MAL2: variants seen among roughly 807,000 people sequenced by gnomAD.
MAL2 encodes the protein mal, T cell differentiation protein 2, also known as protein MAL2.
MAL2 carries 17 observed loss-of-function variants against 18.1 expected under a neutral mutation model. The ratio of observed to expected loss-of-function variants is 0.94; its 90% CI spans 0.64 to 1.41. The LOEUF is 1.41. Among genes scored for constraint, MAL2 ranks in the 40% most tolerant of loss-of-function variants. The pLI is 0.00. For synonymous variants in MAL2, 102 were observed against 102.3 expected (o/e 1.00, Z 0.02); for missense variants, 222 against 231.9 (o/e 0.96, Z 0.28).
At position 119,208,737 on chromosome 8, in the gene MAL2, C is replaced by T. The variant is rs1407367247; in HGVS notation, c.132+133C>T. 3 of 1,205,102 alleles carry T rather than the reference C, an allele frequency of 2.5e-6. No homozygotes were observed. The highest frequency in any genetic ancestry group is 3.2e-5 in the African/African-American group (2 of 63,250). 74.7% of individuals were successfully genotyped at this position (1,205,102 alleles called of 1,614,324 possible). On this transcript the variant is annotated intron_variant, in intron 1 of 3. Coordinates refer to ENST00000614891, the MANE Select transcript of MAL2 (RefSeq NM_052886.3). This position sits in a 1 kb window ranked among gnomAD's most constrained non-coding sequence, Gnocchi z 4.3. Reference sequence around the variant, plus strand: ...TCGACGTGGCTTTGTCCTGCGCTCCCTCCCGGGGTCCTCTCGGTGCCCCGC... The same window carrying T: ...TCGACGTGGCTTTGTCCTGCGCTCCTTCCCGGGGTCCTCTCGGTGCCCCGC...
At position 119,233,803 on chromosome 8, in the gene MAL2, A is replaced by G. The variant is rs202018053; in HGVS notation, c.304-6362A>G. The stretch of plus-strand genomic sequence containing the variant: ...ACTATTCCTATCAATAGAAAAAGAG[A>G]GAATCCTCCCTAACTCATTTTATGA... On this transcript the variant is annotated intron_variant, in intron 2 of 3. Transcript: ENST00000614891. Among the ~76,000 whole-genome samples the G allele has an allele frequency of 3.2e-3, 473 of 149,510 alleles. 5 individuals are homozygous for G. Among genetic ancestry groups the G allele is most frequent in the African/African-American group, 0.011 (443 of 38,862 alleles).
At chr8:119,236,593 T>C (rs993125141) in intron 2 of MAL2, among the ~76,000 whole-genome samples, 24 of 151,864 alleles carry the variant, frequency 1.6e-4, no homozygotes, top group African/African-American at 4.6e-4. Context: ...TAACAAACTC[T>C]CTCAGACCAC....
chr8:119,233,187 A>C (rs993625616), intron 2 of MAL2, among the ~76,000 whole-genome samples: 2 of 152,214 alleles, frequency 1.3e-5, no homozygotes, highest in African/African-American at 4.8e-5. Flanking sequence ...GTAGAGGGAA[A>C]TTTATAACAC....
chr8:119,234,224 C>A (rs1022188430), intron 2 of MAL2, among the ~76,000 whole-genome samples: 1 of 152,184 alleles, frequency 6.6e-6, no homozygotes, highest in Non-Finnish European at 1.5e-5. Context: ...TCGGGTCACT[C>A]CCACCCGAAT....
intron 2 of MAL2, among the ~76,000 whole-genome samples, chr8:119,224,668 TG>T (rs1817545809): frequency 2.0e-5 from 3 of 152,076 alleles, no homozygotes; most frequent in Non-Finnish European, 4.4e-5. Flanking sequence ...GTACCCAACA[TG>T]TAGTTTTTTT....
At position 119,208,465 on chromosome 8, in the gene MAL2, G is replaced by A. The variant is rs1817218439; in HGVS notation, c.-8G>A. 1.6e-6 allele frequency: 2 copies of A among 1,247,302 alleles called. No homozygotes were observed. The highest frequency in any genetic ancestry group is 3.1e-5 in the African/African-American group (2 of 63,992). 77.3% of individuals were successfully genotyped at this position (1,247,302 alleles called of 1,614,324 possible). A position where few individuals can be genotyped will look rare whatever the true frequency, so the allele number is the denominator to read the frequency against. On this transcript the variant is annotated 5_prime_UTR_variant, in exon 1 of 4. Coordinates refer to ENST00000614891, the MANE Select transcript of MAL2 (RefSeq NM_052886.3). The surrounding 1 kb of genome is among the most constrained non-coding windows in gnomAD (Gnocchi z 4.3). ...GGCGCGCGGAGACGCAGCAGCGGCA[G>A]CGGCAGCATGTCGGCCGGCGGAGCG...
chr8:119,212,121 G>T (rs1260797883), intron 1 of MAL2, among the ~76,000 whole-genome samples: 3 of 152,150 alleles, frequency 2.0e-5, no homozygotes, highest in African/African-American at 7.2e-5. Flanking sequence ...TTCCAGGTGG[G>T]TCTATCTACT....
chr8:119,219,414 C>A (rs1003396101), intron 1 of MAL2, among the ~76,000 whole-genome samples: 1 of 152,094 alleles, frequency 6.6e-6, no homozygotes, highest in Non-Finnish European at 1.5e-5. Context: ...ATGCAATGTA[C>A]AGATGAGTAT....
rs576762133 is a variant in MAL2, at chr8:119,221,076, G to A, written c.133-511G>A. 44 of 154,596 alleles carry A rather than the reference G, an allele frequency of 2.8e-4. No individual in the cohort carries two copies. The South Asian group carries it at 7.0e-3, about 25-fold the overall frequency. The allele number at this position is 154,596 out of a possible 1,614,324, so 9.6% of individuals were successfully genotyped here. A position where few individuals can be genotyped will look rare whatever the true frequency, so the allele number is the denominator to read the frequency against. On this transcript the variant is annotated intron_variant, in intron 1 of 3. Coordinates refer to ENST00000614891, the MANE Select transcript of MAL2 (RefSeq NM_052886.3). ...ATGATGGTAGTTTTTATTGTTTACC[G>A]CCATATACAACAGCTGCAACTATTA...
rs149543186 is a variant in MAL2 at position 119,241,644 on chromosome 8, G to A, written c.459+1324G>A. ...AAGACAAATGATTTCAAGACCTATT[G>A]TAAGTTTCCCAAGTCTCTGGTAGGA... On this transcript the variant is annotated intron_variant, in intron 3 of 3. Transcript: ENST00000614891. Among the ~76,000 whole-genome samples the A allele has an allele frequency of 1.0e-3, 156 of 152,220 alleles. 1 individual carries two copies. In the East Asian group the frequency reaches 0.028, roughly 28 times the overall value.
At chr8:119,212,799 G>T (rs1817286528) in intron 1 of MAL2, among the ~76,000 whole-genome samples, 1 of 152,196 alleles carries the variant, frequency 6.6e-6, no homozygotes, top group South Asian at 2.1e-4. Flanking sequence ...AGAACGTTCT[G>T]TCAGTTGTGA....
chr8:119,219,406 G>T (rs1235621769), intron 1 of MAL2, among the ~76,000 whole-genome samples: 1 of 152,126 alleles, frequency 6.6e-6, no homozygotes, highest in East Asian at 1.9e-4. Flanking sequence ...ATACTGAAAT[G>T]CAATGTACAG....
chr8:119,227,467 G>GTTTTGTGTTGGGCACAAGTGGCCAAGCAC (rs1271958288), intron 2 of MAL2, among the ~76,000 whole-genome samples: 2 of 152,180 alleles, frequency 1.3e-5, no homozygotes, highest in Non-Finnish European at 2.9e-5. Flanking sequence ...TCCTTTGAGA[G>GTTTTGTGTTGGGCACAAGTGGCCAAGCAC]TTTTGTGTTG....
intron 3 of MAL2, 55 bp downstream of exon 3, chr8:119,240,375 A>G: frequency 4.5e-6 from 7 of 1,569,630 alleles, no homozygotes; most frequent in Non-Finnish European, 6.1e-6. Flanking sequence ...TCCACTGTCA[A>G]GGCCTCCAAG....
At chr8:119,228,480 T>C (rs917662161) in intron 2 of MAL2, among the ~76,000 whole-genome samples, 8 of 152,146 alleles carry the variant, frequency 5.3e-5, no homozygotes, top group African/African-American at 1.9e-4. Context: ...CTTCAGTGTA[T>C]CTACTGCATC....
Position 119,229,409 on chromosome 8 carries a change from T to A in MAL2, c.303+7652T>A, listed in dbSNP as rs1443742403. On this transcript the variant is annotated intron_variant, in intron 2 of 3. Coordinates refer to ENST00000614891, the MANE Select transcript of MAL2 (RefSeq NM_052886.3). Reference sequence around the variant, plus strand: ...CTCATTGCAACCTCTGCCTCCTGGATTCAAGCGATTCTTCTGCCTTAGCCT... The same window carrying A: ...CTCATTGCAACCTCTGCCTCCTGGAATCAAGCGATTCTTCTGCCTTAGCCT... Among the ~76,000 whole-genome samples, 3 of 151,448 alleles carry A rather than the reference T, an allele frequency of 2.0e-5. No individual in the cohort carries two copies. The East Asian group carries it at 5.9e-4, about 30-fold the overall frequency.
intron 3 of MAL2, among the ~76,000 whole-genome samples, chr8:119,242,190 T>C (rs1304239889): frequency 6.6e-6 from 1 of 151,656 alleles, no homozygotes; most frequent in African/African-American, 2.4e-5. Flanking sequence ...TTCACAAGAA[T>C]AGTAGCTGCT....
chr8:119,217,468 A>T (rs186351842), intron 1 of MAL2, among the ~76,000 whole-genome samples: 61 of 152,314 alleles, frequency 4.0e-4, no homozygotes, highest in African/African-American at 1.4e-3. Context: ...AAGCAAAGGT[A>T]GTCTTTTTGT....
intron 2 of MAL2, chr8:119,224,212 T>C (rs1817533068): frequency 6.6e-6 from 1 of 152,176 alleles, no homozygotes; most frequent in Admixed American, 6.5e-5. Flanking sequence ...AATAAAAATA[T>C]ACTATCTAAT....
Sources: allele counts gnomAD v4.1 joint callset (sites outside exome capture counted in the v4.1 genomes callset), GRCh38; gene constraint gnomAD v4.1.1; non-coding constraint Gnocchi (gnomAD v3.1); transcripts MANE v1.5; gene names NCBI Gene and HGNC (gene_info 2026-07-23, HGNC 2026-07-21).